Variants in KPNA5 observed in about 807,000 individuals in gnomAD.
The protein encoded by KPNA5 is karyopherin subunit alpha 5.
In KPNA5, 46 loss-of-function variants were observed where a neutral mutation model predicts 71.3. That is an observed-to-expected ratio of 0.65 (90% CI 0.51 to 0.83). The LOEUF (loss-of-function observed/expected upper bound fraction) is 0.83, where lower values mean the gene tolerates loss of function less well. Ranked by LOEUF, KPNA5 falls within the 40% of genes least tolerant of loss-of-function variation. The probability of loss-of-function intolerance (pLI) is 0.00; values close to 1 mark genes in which losing one functional copy is unlikely to be tolerated. For missense variants in KPNA5, 547 were observed against 628.3 expected (o/e 0.87, Z 1.38); for synonymous variants, 207 against 201.4 (o/e 1.03, Z -0.24).
At chr6:116,725,279 C>T (rs977697773) in intron 10 of KPNA5, among the ~76,000 whole-genome samples, 4 of 152,258 alleles carry the variant, frequency 2.6e-5, no homozygotes, top group East Asian at 1.9e-4. Context: ...AGGGACAATG[C>T]AGAATATACT....
intron 9 of KPNA5, 63 bp from the exon 10 acceptor site, chr6:116,724,234 G>A: frequency 9.1e-7 from 1 of 1,098,730 alleles, no homozygotes; most frequent in South Asian, 1.3e-5. Context: ...TAGTATTTTT[G>A]TAACTTCTGT....
chr6:116,711,647 C>T (rs1344344100), intron 7 of KPNA5, among the ~76,000 whole-genome samples: 1 of 151,674 alleles, frequency 6.6e-6, no homozygotes, highest in Non-Finnish European at 1.5e-5. Flanking sequence ...TTTTTAGTTT[C>T]ATTCCATTGT....
intron 4 of KPNA5, among the ~76,000 whole-genome samples, chr6:116,692,978 A>T (rs1400993834): frequency 1.3e-5 from 2 of 152,144 alleles, no homozygotes; most frequent in African/African-American, 4.8e-5. Flanking sequence ...GAGTGAGAAC[A>T]TGCGGTGTTT....
At chr6:116,682,727 A>G (rs74764891) in intron 1 of KPNA5, among the ~76,000 whole-genome samples, 77 of 152,344 alleles carry the variant, frequency 5.1e-4, no homozygotes, top group African/African-American at 1.8e-3. Flanking sequence ...AAGCTTATGA[A>G]TGAAAAAAAT....
intron 4 of KPNA5, among the ~76,000 whole-genome samples, chr6:116,692,981 C>A (rs548948216): frequency 2.6e-5 from 4 of 152,164 alleles, no homozygotes; most frequent in East Asian, 1.9e-4. Flanking sequence ...TGAGAACATG[C>A]GGTGTTTGGT....
intron 6 of KPNA5, among the ~76,000 whole-genome samples, chr6:116,703,877 T>G (rs1274361347): frequency 6.6e-6 from 1 of 152,256 alleles, no homozygotes; most frequent in African/African-American, 2.4e-5. Context: ...ATTTCTTACC[T>G]AATTGAAATT....
chr6:116,739,537 C>G lies in KPNA5; in HGVS notation c.*7214C>G, dbSNP rs1412776088. The G allele has an allele frequency of 1.3e-5, 2 of 152,198 alleles. No homozygotes were observed. Among genetic ancestry groups the G allele is most frequent in the African/African-American group, 4.8e-5 (2 of 41,450 alleles). The allele number at this position is 152,198 out of a possible 1,614,324, so 9.4% of individuals were successfully genotyped here. On this transcript the variant is annotated 3_prime_UTR_variant, in exon 14 of 14. Transcript: ENST00000368564. ...TGGAACCAAAAAAGAGCCCGCATCG[C>G]CAAGTCAATCCTAAGCCAAAAGAAC...
At chr6:116,729,976 T>TTAAAAGTATACTTTTAAAAAAG (rs1779425075) in intron 13 of KPNA5, among the ~76,000 whole-genome samples, 1 of 151,484 alleles carries the variant, frequency 6.6e-6, no homozygotes, top group South Asian at 2.1e-4. Context: ...ATGTATAGTT[T>TTAAAAGTATACTTTTAAAAAAG]TATGTTCTAC....
Position 116,735,348 on chromosome 6 carries a change from T to C in KPNA5, c.*3025T>C, listed in dbSNP as rs1779634920. On this transcript the variant is annotated 3_prime_UTR_variant, in exon 14 of 14. Coordinates refer to ENST00000368564, the MANE Select transcript of KPNA5 (RefSeq NM_001366306.2). ...AAAATAAATATAAAGTCTTAGTGAA[T>C]TTTTGTTATGGTTCTCAATTCAGCA... 1 of 151,786 alleles carries C rather than the reference T, an allele frequency of 6.6e-6. No individual in the cohort carries two copies. Among genetic ancestry groups the C allele is most frequent in the Non-Finnish European group, 1.5e-5 (1 of 67,754 alleles). 9.4% of individuals were successfully genotyped at this position (151,786 alleles called of 1,614,324 possible). A position where few individuals can be genotyped will look rare whatever the true frequency, so the allele number is the denominator to read the frequency against.
intron 7 of KPNA5, among the ~76,000 whole-genome samples, chr6:116,711,209 G>A (rs1778665195): frequency 6.7e-6 from 1 of 150,054 alleles, no homozygotes; most frequent in Non-Finnish European, 1.5e-5. Flanking sequence ...GTAGTAATAT[G>A]AATCTTTTTC....
chr6:116,700,923 C>A (rs1012954358), intron 5 of KPNA5, among the ~76,000 whole-genome samples: 2 of 152,070 alleles, frequency 1.3e-5, no homozygotes, highest in Non-Finnish European at 2.9e-5. Context: ...GCTTATCACT[C>A]GTTTTATGTT....
In KPNA5 at chr6:116,706,562, G is replaced by A. The variant is rs139950505; in HGVS notation, c.656+1402G>A. Among the ~76,000 whole-genome samples the A allele has an allele frequency of 6.0e-4, 92 of 152,236 alleles. 1 individual carries two copies. The East Asian group carries it at 0.016, about 27-fold the overall frequency. On this transcript the variant is annotated intron_variant, in intron 7 of 13. Transcript: ENST00000368564. ...AAATTAGCTGAGTGTGGTGGTGCAT[G>A]CTTGTAATCCCAGCTACTCAAGAGG...
rs1779545289 is a variant in KPNA5 at position 116,732,809 on chromosome 6, G to A, written c.*486G>A. 1 of 151,864 alleles carries A rather than the reference G, an allele frequency of 6.6e-6. No individual in the cohort carries two copies. The highest frequency in any genetic ancestry group is 2.1e-4 in the South Asian group (1 of 4,828). 9.4% of individuals were successfully genotyped at this position (151,864 alleles called of 1,614,324 possible). ...TTCAGAAGCATGAAATAATGCAAAT[G>A]CTAAATTAGAATGTGAAAATATTTA... On this transcript the variant is annotated 3_prime_UTR_variant, in exon 14 of 14. Coordinates refer to ENST00000368564, the MANE Select transcript of KPNA5 (RefSeq NM_001366306.2).
At chr6:116,730,454 C>T (rs1317049189) in intron 13 of KPNA5, among the ~76,000 whole-genome samples, 4 of 150,032 alleles carry the variant, frequency 2.7e-5, no homozygotes, top group Non-Finnish European at 4.5e-5. Context: ...TGTTGTTGAC[C>T]ATTAGTTTGT....
intron 4 of KPNA5, among the ~76,000 whole-genome samples, chr6:116,694,622 T>C (rs969009936): frequency 6.6e-6 from 1 of 152,204 alleles, no homozygotes; most frequent in African/African-American, 2.4e-5. Flanking sequence ...GCTTATCAGC[T>C]TAAGGAGATT....
chr6:116,684,774 T>C (rs1258630547), intron 1 of KPNA5, among the ~76,000 whole-genome samples: 1 of 152,154 alleles, frequency 6.6e-6, no homozygotes, highest in African/African-American at 2.4e-5. Context: ...CAAAGCCTCC[T>C]ACATGTGCAC....
At chr6:116,702,667 C>CAA (rs905942604) in intron 6 of KPNA5, among the ~76,000 whole-genome samples, 1 of 150,654 alleles carries the variant, frequency 6.6e-6, no homozygotes, top group Non-Finnish European at 1.5e-5. Flanking sequence ...AGATTTGTTT[C>CAA]AAAAAAAAAG....
chr6:116,716,810 C>A (rs1335862392), intron 8 of KPNA5, among the ~76,000 whole-genome samples: 2 of 152,190 alleles, frequency 1.3e-5, no homozygotes, highest in East Asian at 3.9e-4. Context: ...TTTAGAATAC[C>A]ATTGTACTTC....
chr6:116,724,055 A>C (rs909321815), intron 9 of KPNA5, among the ~76,000 whole-genome samples: 1 of 152,156 alleles, frequency 6.6e-6, no homozygotes, highest in Admixed American at 6.6e-5. Context: ...TATGATCTTC[A>C]AAAATGGCAA....
Sources: gnomAD v4.1 joint callset for allele counts (sites outside exome capture counted in the v4.1 genomes callset) on GRCh38, gnomAD v4.1.1 for gene constraint, MANE v1.5 for transcripts, NCBI Gene and HGNC (gene_info 2026-07-23, HGNC 2026-07-21) for gene names.